Variants in FAM228B observed in about 807,000 individuals in gnomAD.
FAM228B encodes the protein family with sequence similarity 228 member B, also known as protein FAM228B.
In FAM228B, 38 loss-of-function variants were observed where a neutral mutation model predicts 42.6. The observed-to-expected ratio is 0.89, with a 90% CI of 0.69 to 1.17. FAM228B has a LOEUF of 1.17. Among genes scored for constraint, FAM228B ranks in the 50% most tolerant of loss-of-function variants. The probability of loss-of-function intolerance (pLI) is 0.00; values close to 1 mark genes in which losing one functional copy is unlikely to be tolerated. For synonymous variants in FAM228B, 109 were observed against 122.3 expected, an observed-to-expected ratio of 0.89 and a Z score of 0.72; for missense variants, 344 against 367.3, an observed-to-expected ratio of 0.94 and a Z score of 0.52.
rs575418031 is a variant in FAM228B at position 24,169,246 on chromosome 2, G to C, written c.*15-110G>C. Reference sequence around the variant, plus strand: ...AGAGATGAGTCACTCGGCTCTGGCAGGACAGGCTTCAGGGGGATCAGCTCA... The same window carrying C: ...AGAGATGAGTCACTCGGCTCTGGCACGACAGGCTTCAGGGGGATCAGCTCA... On this transcript the variant is annotated intron_variant, in intron 10 of 10. Coordinates refer to ENST00000615575, the MANE Select transcript of FAM228B (RefSeq NM_001145710.2). The surrounding 1 kb of genome is among the most constrained non-coding windows in gnomAD (Gnocchi z 4.2). The C allele has an allele frequency of 5.4e-6, 2 of 369,770 alleles. No individual in the cohort carries two copies. Among genetic ancestry groups the C allele is most frequent in the African/African-American group, 4.1e-5 (2 of 48,728 alleles). The allele number at this position is 369,770 out of a possible 1,614,324, so 22.9% of individuals were successfully genotyped here.
intron 7 of FAM228B, 31 bp downstream of exon 7, chr2:24,147,117 C>G: frequency 7.1e-7 from 1 of 1,417,878 alleles, no homozygotes; most frequent in Non-Finnish European, 9.4e-7. Flanking sequence ...AATTATAGAA[C>G]CTTTTGGACT....
upstream of FAM228B, chr2:24,121,048 G>T: frequency 7.3e-7 from 1 of 1,369,696 alleles, no homozygotes; most frequent in Non-Finnish European, 9.9e-7. Flanking sequence ...TCAAGACAAT[G>T]GCTCAAGACA....
chr2:24,163,006 CTG>C (rs1342411274), intron 8 of FAM228B, among the ~76,000 whole-genome samples: 1 of 151,934 alleles, frequency 6.6e-6, no homozygotes, highest in African/African-American at 2.4e-5. Flanking sequence ...TTGCACAACT[CTG>C]TAAATATACT....
intron 7 of FAM228B, among the ~76,000 whole-genome samples, chr2:24,154,644 A>G (rs1418699894): frequency 6.6e-6 from 1 of 152,232 alleles, no homozygotes; most frequent in Non-Finnish European, 1.5e-5. Flanking sequence ...AAAGAGAAGA[A>G]GCCACCCTTT....
chr2:24,094,588 A>G (rs544029407), intron 2 of FAM228B, among the ~76,000 whole-genome samples: 1 of 152,182 alleles, frequency 6.6e-6, no homozygotes, highest in South Asian at 2.1e-4. Flanking sequence ...GAACTCAAGG[A>G]ATCCTACCAC....
intron 7 of FAM228B, among the ~76,000 whole-genome samples, chr2:24,148,095 A>G (rs1021539391): frequency 6.6e-6 from 1 of 151,920 alleles, no homozygotes; most frequent in African/African-American, 2.4e-5. Flanking sequence ...GGGTAATGTT[A>G]TTGCTATTGT....
upstream of FAM228B, chr2:24,119,781 A>C: frequency 1.2e-6 from 1 of 802,802 alleles, no homozygotes; most frequent in East Asian, 2.5e-5. Flanking sequence ...TGATTTCCAT[A>C]TGTTTGGAAT....
At position 24,154,795 on chromosome 2, in the gene FAM228B, C is replaced by CT. The variant is rs1442071268; in HGVS notation, c.687-6704dup. On this transcript the variant is annotated intron_variant, in intron 7 of 10. Transcript: ENST00000615575. ...GTTATGTTTTTGTAGATTATCTGGC[C>CT]TTTTTTTGCCCTTGGGGTGAGAGCA... 4.6e-5 allele frequency among the ~76,000 whole-genome samples: 7 copies of CT among 152,172 alleles called. No homozygotes were observed. In the East Asian group the frequency reaches 1.2e-3, roughly 25 times the overall value.
chr2:24,143,387 G>A (rs1008621107), intron 5 of FAM228B, among the ~76,000 whole-genome samples: 5 of 152,006 alleles, frequency 3.3e-5, no homozygotes, highest in Non-Finnish European at 5.9e-5. Context: ...GTAGAGATGG[G>A]GTTTCATCGT....
chr2:24,156,324 T>A (rs1381356852), intron 7 of FAM228B, among the ~76,000 whole-genome samples: 1 of 152,162 alleles, frequency 6.6e-6, no homozygotes, highest in Non-Finnish European at 1.5e-5. Context: ...TATCCATTCC[T>A]AAATCTCCTT....
chr2:24,095,029 G>C lies in FAM228B; in HGVS notation c.-209-112G>C, dbSNP rs572205952. The C allele has an allele frequency of 6.6e-6, 1 of 152,406 alleles. No homozygotes were observed. Among genetic ancestry groups the C allele is most frequent in the South Asian group, 2.1e-4 (1 of 4,824 alleles). 9.4% of individuals were successfully genotyped at this position (152,406 alleles called of 1,614,324 possible). ...GAGAATCACTTGAACCTGGGATGCAGAGGTTGCAGTCAGCCAAGATTGCGC... is the reference window on the plus strand; with the variant it reads ...GAGAATCACTTGAACCTGGGATGCACAGGTTGCAGTCAGCCAAGATTGCGC... On this transcript the variant is annotated intron_variant, in intron 2 of 10. Transcript: ENST00000613899. This position sits in a 1 kb window ranked among gnomAD's most constrained non-coding sequence, Gnocchi z 4.8.
At chr2:24,109,978 C>T (rs1665763079) in intron 3 of FAM228B, among the ~76,000 whole-genome samples, 1 of 152,144 alleles carries the variant, frequency 6.6e-6, no homozygotes, top group South Asian at 2.1e-4. Context: ...AAAGATACAT[C>T]CATGCATATG....
chr2:24,096,457 A>C (rs2150994156), intron 3 of FAM228B: 1 of 152,236 alleles, frequency 6.6e-6, no homozygotes, highest in East Asian at 1.9e-4. Context: ...TGGAGCTGAA[A>C]ACCACGGCAC....
intron 7 of FAM228B, among the ~76,000 whole-genome samples, chr2:24,151,793 C>T (rs148645586): frequency 2.4e-4 from 36 of 152,252 alleles, no homozygotes; most frequent in African/African-American, 8.2e-4. Flanking sequence ...GGCGATTCTC[C>T]TGCCTCAGTT....
chr2:24,119,516 T>C (rs1666028217), upstream of FAM228B: 1 of 1,222,914 alleles, frequency 8.2e-7, no homozygotes, highest in South Asian at 1.4e-5. Context: ...TCTCTGTTAC[T>C]CGTAGTCGGA....
At chr2:24,140,337 C>T (rs1285623279) in intron 5 of FAM228B, among the ~76,000 whole-genome samples, 5 of 152,088 alleles carry the variant, frequency 3.3e-5, no homozygotes, top group Admixed American at 6.5e-5. Context: ...CCATCATGCT[C>T]GGCTAATTTT....
At chr2:24,145,545 T>G (rs780252532) in intron 5 of FAM228B, among the ~76,000 whole-genome samples, 11 of 152,080 alleles carry the variant, frequency 7.2e-5, no homozygotes, top group Non-Finnish European at 1.3e-4. Context: ...GATGTCAATG[T>G]AAGGACACAA....
intron 8 of FAM228B, among the ~76,000 whole-genome samples, chr2:24,162,478 T>C (rs1311302613): frequency 6.6e-6 from 1 of 152,236 alleles, no homozygotes; most frequent in African/African-American, 2.4e-5. Flanking sequence ...CTGGAGGGAA[T>C]GTAAAATGGT....
At chr2:24,159,770 T>C (rs750465087) in intron 7 of FAM228B, among the ~76,000 whole-genome samples, 2 of 152,226 alleles carry the variant, frequency 1.3e-5, no homozygotes, top group African/African-American at 2.4e-5. Flanking sequence ...CCTTTGAAGA[T>C]AATTTGCCAA....
Sources: gnomAD v4.1 joint callset for allele counts (sites outside exome capture counted in the v4.1 genomes callset) on GRCh38, gnomAD v4.1.1 for gene constraint, Gnocchi (gnomAD v3.1) non-coding constraint, MANE v1.5 for transcripts, NCBI Gene and HGNC (gene_info 2026-07-23, HGNC 2026-07-21) for gene names.